The following FUBP1 variants were observed in gnomAD, a reference collection of about 807,000 sequenced individuals.
The protein encoded by FUBP1 is far upstream element binding protein 1.
FUBP1 carries 16 observed loss-of-function variants against 94.9 expected under a neutral mutation model. That is an observed-to-expected ratio of 0.17 (90% CI 0.11 to 0.26). The LOEUF is 0.26. FUBP1 is among the 10% of genes least tolerant of loss of function. The pLI is 1.00. For missense variants in FUBP1, 583 were observed against 808.6 expected, an observed-to-expected ratio of 0.72 and a Z score of 3.38; for synonymous variants, 279 against 254.9, an observed-to-expected ratio of 1.09 and a Z score of -0.90.
chr1:77,962,137 A>G (rs1275699914), intron 14 of FUBP1, among the ~76,000 whole-genome samples: 1 of 152,234 alleles, frequency 6.6e-6, no homozygotes, highest in Non-Finnish European at 1.5e-5. Context: ...AAAGCGTTTC[A>G]TACTTTTTTG....
chr1:77,951,434 A>G (rs1435831046), intron 18 of FUBP1, among the ~76,000 whole-genome samples: 1 of 152,246 alleles, frequency 6.6e-6, no homozygotes, highest in Admixed American at 6.5e-5. Flanking sequence ...CTTCCAATCT[A>G]AAGGGCAAAT....
At chr1:77,952,128 C>T (rs890759437) in intron 18 of FUBP1, among the ~76,000 whole-genome samples, 1 of 152,038 alleles carries the variant, frequency 6.6e-6, no homozygotes, top group Non-Finnish European at 1.5e-5. Context: ...ATTTTCTCTA[C>T]TTGGGAGGCT....
chr1:77,954,793 A>C (rs1233543499), intron 18 of FUBP1, among the ~76,000 whole-genome samples: 2 of 152,210 alleles, frequency 1.3e-5, no homozygotes, highest in African/African-American at 4.8e-5. Context: ...AATGGTTCCT[A>C]AAGAGACAAA....
Position 77,944,912 on chromosome 1 carries a change from G to A in FUBP1, c.*3854C>T, listed in dbSNP as rs1038127888. Reference sequence around the variant, plus strand: ...GAAACATCAAACCATAGAATTCTAAGTATCACCACACTAAGCTGTCTTAAA... The same window carrying A: ...GAAACATCAAACCATAGAATTCTAAATATCACCACACTAAGCTGTCTTAAA... On this transcript the variant is annotated 3_prime_UTR_variant, in exon 20 of 20. Transcript: ENST00000370768. Among the ~76,000 whole-genome samples, 1 of 151,604 alleles carries A rather than the reference G, an allele frequency of 6.6e-6. No individual in the cohort carries two copies. Among genetic ancestry groups the A allele is most frequent in the African/African-American group, 2.4e-5 (1 of 41,292 alleles).
intron 14 of FUBP1, chr1:77,960,776 C>T (rs1655313086): frequency 3.3e-6 from 1 of 301,868 alleles, no homozygotes; most frequent in South Asian, 4.5e-5. Flanking sequence ...TTGCGGACAG[C>T]AGTAGTTCCC....
intron 18 of FUBP1, among the ~76,000 whole-genome samples, chr1:77,954,800 C>G (rs1240628737): frequency 1.3e-5 from 2 of 152,138 alleles, no homozygotes; most frequent in African/African-American, 2.4e-5. Context: ...CCTAAAGAGA[C>G]AAATTTGGGA....
chr1:77,947,634 G>C lies in FUBP1; in HGVS notation c.*1132C>G. 1.2e-6 allele frequency: 1 copy of C among 861,474 alleles called. No homozygotes were observed. Among genetic ancestry groups the C allele is most frequent in the South Asian group, 1.4e-5 (1 of 71,640 alleles). The allele number at this position is 861,474 out of a possible 1,614,324, so 53.4% of individuals were successfully genotyped here. A position where few individuals can be genotyped will look rare whatever the true frequency, so the allele number is the denominator to read the frequency against. Reference sequence around the variant, plus strand: ...TGCAAAGAGCCAACAAATATGCAAAGAGTAAAACAATGGATTTCAACAAAA... The same window carrying C: ...TGCAAAGAGCCAACAAATATGCAAACAGTAAAACAATGGATTTCAACAAAA... On this transcript the variant is annotated 3_prime_UTR_variant, in exon 20 of 20. Coordinates refer to ENST00000370768, the MANE Select transcript of FUBP1 (RefSeq NM_003902.5).
intron 1 of FUBP1, among the ~76,000 whole-genome samples, chr1:77,977,053 ACT>A (rs1347630134): frequency 6.6e-6 from 1 of 152,076 alleles, no homozygotes; most frequent in Non-Finnish European, 1.5e-5. Context: ...CTCCTAACAA[ACT>A]CTATAAACAC....
chr1:77,974,734 T>C (rs558033689), intron 1 of FUBP1, among the ~76,000 whole-genome samples: 4 of 152,352 alleles, frequency 2.6e-5, no homozygotes, highest in East Asian at 3.9e-4. Context: ...CGTGTATATA[T>C]TGGATTCAAT....
chr1:77,949,594 G>A (rs993091585), intron 18 of FUBP1, among the ~76,000 whole-genome samples: 6 of 151,650 alleles, frequency 4.0e-5, no homozygotes, highest in Non-Finnish European at 7.4e-5. Flanking sequence ...AAAAAAGAAC[G>A]CTCTTTTCTT....
Position 77,948,629 on chromosome 1 carries a change from A to C in FUBP1, c.*137T>G. 7.7e-7 allele frequency: 1 copy of C among 1,295,794 alleles called. No individual in the cohort carries two copies. The highest frequency in any genetic ancestry group is 1.0e-6 in the Non-Finnish European group (1 of 990,796). The allele number at this position is 1,295,794 out of a possible 1,614,324, so 80.3% of individuals were successfully genotyped here. A position where few individuals can be genotyped will look rare whatever the true frequency, so the allele number is the denominator to read the frequency against. Reference sequence around the variant, plus strand: ...GATAGATATTTTGTACATTTTCAAAAAAAAAAAAAAAAAAGGAAACACTAT... The same window carrying C: ...GATAGATATTTTGTACATTTTCAAACAAAAAAAAAAAAAAGGAAACACTAT... On this transcript the variant is annotated 3_prime_UTR_variant, in exon 20 of 20. Coordinates refer to ENST00000370768, the MANE Select transcript of FUBP1 (RefSeq NM_003902.5).
chr1:77,968,113 A>T, intron 3 of FUBP1, 52 bp downstream of exon 3: 1 of 1,166,400 alleles, frequency 8.6e-7, no homozygotes, highest in Non-Finnish European at 1.2e-6. Context: ...ACAAAATCTT[A>T]ACATTGAAAT....
At chr1:77,972,645 C>A (rs1243707042) in intron 1 of FUBP1, among the ~76,000 whole-genome samples, 2 of 151,402 alleles carry the variant, frequency 1.3e-5, no homozygotes, top group African/African-American at 4.9e-5. Context: ...ACCTGTAATT[C>A]CAGCTACTCG....
At chr1:77,973,849 GTTTAA>G (rs991422217) in intron 1 of FUBP1, among the ~76,000 whole-genome samples, 32 of 152,112 alleles carry the variant, frequency 2.1e-4, no homozygotes, top group Admixed American at 5.2e-4. Flanking sequence ...TAGCATATTG[GTTTAA>G]TTTTTTTTAA....
At chr1:77,966,166 A>C (rs1030340088) in intron 7 of FUBP1, among the ~76,000 whole-genome samples, 1 of 152,246 alleles carries the variant, frequency 6.6e-6, no homozygotes, top group African/African-American at 2.4e-5. Context: ...CTATGTGAAC[A>C]GAGGAAAAAT....
In FUBP1 at chr1:77,948,176, G is replaced by GA. The variant is rs1246351962; in HGVS notation, c.*589dup. 56 of 1,041,008 alleles carry GA rather than the reference G, an allele frequency of 5.4e-5. 2 individuals carry two copies. The South Asian group carries it at 1.5e-3, about 28-fold the overall frequency. The allele number at this position is 1,041,008 out of a possible 1,614,324, so 64.5% of individuals were successfully genotyped here. ...CATGCAGTTTTTAATCAAACAGAAG[G>GA]AAAAAAAATGAAGATATCAGGATTA... is the stretch of plus-strand genomic sequence containing the variant. On this transcript the variant is annotated 3_prime_UTR_variant, in exon 20 of 20. Transcript: ENST00000370768.
chr1:77,966,249 A>C (rs535434589), intron 7 of FUBP1, among the ~76,000 whole-genome samples: 2 of 152,328 alleles, frequency 1.3e-5, no homozygotes, highest in Admixed American at 1.3e-4. Flanking sequence ...TCAGTAAATA[A>C]GCTTAAGTGG....
chr1:77,960,115 A>C, intron 16 of FUBP1, 69 bp downstream of exon 16: 1 of 1,120,336 alleles, frequency 8.9e-7, no homozygotes, highest in Non-Finnish European at 1.3e-6. Context: ...AATCAACACT[A>C]GAAAATTTAA....
intron 1 of FUBP1, among the ~76,000 whole-genome samples, chr1:77,978,386 T>A (rs886992419): frequency 6.6e-6 from 1 of 152,212 alleles, no homozygotes; most frequent in African/African-American, 2.4e-5. Context: ...TCAAGTCCCT[T>A]CCTTGTAGAG....
Sources: allele counts gnomAD v4.1 joint callset (sites outside exome capture counted in the v4.1 genomes callset), GRCh38; gene constraint gnomAD v4.1.1; transcripts MANE v1.5; gene names NCBI Gene and HGNC (gene_info 2026-07-23, HGNC 2026-07-21).